Variants in PTPRA observed in about 807,000 individuals in gnomAD.
The protein encoded by PTPRA is receptor-type tyrosine-protein phosphatase alpha.
A neutral mutation model predicts 104.8 loss-of-function variants in PTPRA; 25 were observed. That is an observed-to-expected ratio of 0.24 (90% CI 0.17 to 0.33). PTPRA has a LOEUF of 0.33. Among genes scored for constraint, PTPRA ranks in the 10% least tolerant of loss-of-function variants. The pLI is 1.00. For missense variants in PTPRA, 765 were observed against 1,015.3 expected (o/e 0.75, Z 3.35); for synonymous variants, 323 against 368.9 (o/e 0.88, Z 1.43).
Position 2,907,348 on chromosome 20 carries a change from C to T in PTPRA, c.-128-15859C>T, listed in dbSNP as rs536006256. Among the ~76,000 whole-genome samples the T allele has an allele frequency of 3.2e-3, 484 of 151,942 alleles. 4 individuals carry two copies. The highest frequency in any genetic ancestry group is 0.011 in the African/African-American group (463 of 41,438). ...AGCATGATAAAACTTTAGTACAGCTCAGCCGTCAAACTGCTGTGTGCCTGG... is the reference window on the plus strand; with the variant it reads ...AGCATGATAAAACTTTAGTACAGCTTAGCCGTCAAACTGCTGTGTGCCTGG... On this transcript the variant is annotated intron_variant, in intron 1 of 23. Transcript: ENST00000399903.
At chr20:3,012,895 A>G (rs919240724) in intron 11 of PTPRA, among the ~76,000 whole-genome samples, 1 of 152,186 alleles carries the variant, frequency 6.6e-6, no homozygotes, top group Non-Finnish European at 1.5e-5. Flanking sequence ...TGCAGCCATC[A>G]CCATAAATGT....
Position 3,035,967 on chromosome 20 carries a change from G to T in PTPRA, c.2198+26G>T. 2 of 1,612,484 alleles carry T rather than the reference G, an allele frequency of 1.2e-6. No individual in the cohort carries two copies. The highest frequency in any genetic ancestry group is 2.2e-5 in the South Asian group (2 of 90,986). The stretch of plus-strand genomic sequence containing the variant: ...GTATGGCTCACCCTTGCCCTCAGCG[G>T]GAGAGAGAAAGCGAGGAGGGGCAGA... On this transcript the variant is annotated intron_variant, in intron 22 of 23. Transcript: ENST00000399903. This position sits in a 1 kb window ranked among gnomAD's most constrained non-coding sequence, Gnocchi z 5.8.
chr20:2,985,847 G>T (rs1555808917), intron 6 of PTPRA, among the ~76,000 whole-genome samples: 4 of 152,118 alleles, frequency 2.6e-5, no homozygotes, highest in Non-Finnish European at 5.9e-5. Flanking sequence ...CTCCCAAAGT[G>T]CTGGGATAGG....
intron 11 of PTPRA, among the ~76,000 whole-genome samples, chr20:3,013,179 G>A (rs187157453): frequency 2.4e-4 from 36 of 152,182 alleles, no homozygotes; most frequent in Non-Finnish European, 3.8e-4. Context: ...AACTTTTTGC[G>A]TAGAGAACTG....
At chr20:2,989,119 C>T (rs2063032423) in intron 9 of PTPRA, among the ~76,000 whole-genome samples, 1 of 152,190 alleles carries the variant, frequency 6.6e-6, no homozygotes, top group African/African-American at 2.4e-5. Context: ...GTGATCCTAG[C>T]CTACCAGTTC....
intron 3 of PTPRA, among the ~76,000 whole-genome samples, chr20:2,963,340 G>A (rs1351955514): frequency 6.6e-6 from 1 of 152,082 alleles, no homozygotes; most frequent in African/African-American, 2.4e-5. Context: ...GATGACTCAC[G>A]CCTGTAATCC....
chr20:3,023,912 TA>T (rs1187697037), intron 16 of PTPRA, among the ~76,000 whole-genome samples: 5 of 152,212 alleles, frequency 3.3e-5, no homozygotes, highest in Admixed American at 3.3e-4. Flanking sequence ...GAAGGGCTCT[TA>T]TAAATTATGT....
chr20:2,971,994 C>T (rs1452257349), intron 5 of PTPRA, among the ~76,000 whole-genome samples: 1 of 151,928 alleles, frequency 6.6e-6, no homozygotes, highest in Admixed American at 6.6e-5. Flanking sequence ...CCACCATGCC[C>T]GGCTAATTTT....
At chr20:3,012,349 A>G (rs553096834) in intron 11 of PTPRA, among the ~76,000 whole-genome samples, 1 of 152,262 alleles carries the variant, frequency 6.6e-6, no homozygotes, top group Non-Finnish European at 1.5e-5. Flanking sequence ...AAGCGGCGAC[A>G]AAGTGAAAAC....
intron 1 of PTPRA, among the ~76,000 whole-genome samples, chr20:2,912,432 T>A (rs1350466435): frequency 6.6e-6 from 1 of 151,938 alleles, no homozygotes; most frequent in Non-Finnish European, 1.5e-5. Flanking sequence ...AAGACCAGCC[T>A]GGGCAACGTG....
chr20:2,989,844 T>C lies in PTPRA; in HGVS notation c.738+1370T>C, dbSNP rs180909615. On this transcript the variant is annotated intron_variant, in intron 9 of 23. Transcript: ENST00000399903. ...CATCCTGGCTAACACAGTGAAACCC[T>C]GTCTCTACTAAAAATACAAAAAATT... Among the ~76,000 whole-genome samples, 676 of 152,124 alleles carry C rather than the reference T, an allele frequency of 4.4e-3. 6 individuals carry two copies. The highest frequency in any genetic ancestry group is 0.015 in the South Asian group (71 of 4,808).
At chr20:3,001,942 C>T (rs946583229) in intron 9 of PTPRA, among the ~76,000 whole-genome samples, 3 of 152,074 alleles carry the variant, frequency 2.0e-5, no homozygotes, top group African/African-American at 7.2e-5. Context: ...GCTTCCCAGC[C>T]TGGGCAACAT....
Position 3,005,159 on chromosome 20 carries a change from A to G in PTPRA, c.829+13A>G. 1 of 1,563,392 alleles carries G rather than the reference A, an allele frequency of 6.4e-7. No individual in the cohort carries two copies. Among genetic ancestry groups the G allele is most frequent in the South Asian group, 1.1e-5 (1 of 89,942 alleles). ...AACATCTTGCCTTGTGAGTGTCTTT[A>G]GTGTTTCTTGGGATGTAACCTGAAA... On this transcript the variant is annotated intron_variant, in intron 10 of 23. Coordinates refer to ENST00000399903, the MANE Select transcript of PTPRA (RefSeq NM_001385305.1).
intron 2 of PTPRA, among the ~76,000 whole-genome samples, chr20:2,926,550 T>C (rs2060301736): frequency 6.6e-6 from 1 of 152,112 alleles, no homozygotes; most frequent in Non-Finnish European, 1.5e-5. Context: ...TCTAAATAAG[T>C]TCACATTCAC....
chr20:2,979,722 GACAGACT>G (rs1209124264), intron 6 of PTPRA, among the ~76,000 whole-genome samples: 1 of 149,028 alleles, frequency 6.7e-6, no homozygotes, highest in East Asian at 1.9e-4. Flanking sequence ...GTTTGGTAGA[GACAGACT>G]ACCAGAGTCT....
intron 20 of PTPRA, among the ~76,000 whole-genome samples, chr20:3,032,500 G>T (rs573951095): frequency 2.0e-5 from 3 of 152,104 alleles, no homozygotes; most frequent in Admixed American, 1.3e-4. Context: ...GGGCGCGGTG[G>T]CTCACGCCTG....
intron 1 of PTPRA, among the ~76,000 whole-genome samples, chr20:2,881,622 C>G (rs2090056226): frequency 6.6e-6 from 1 of 152,158 alleles, no homozygotes; most frequent in African/African-American, 2.4e-5. Flanking sequence ...CTCAAGCGAT[C>G]TTCCCACCTT....
rs149563361 is a variant in PTPRA at position 2,889,189 on chromosome 20, T to C, written c.-129+15429T>C. Among the ~76,000 whole-genome samples, 80 of 152,336 alleles carry C rather than the reference T, an allele frequency of 5.3e-4. No homozygotes were observed. The Middle Eastern group carries it at 0.01, about 19-fold the overall frequency. ...TTAAAGTGGTAAATTTAAAACCCAG[T>C]TTTCTTTTAGTCTTGTTATTGTACT... On this transcript the variant is annotated intron_variant, in intron 1 of 23. Coordinates refer to ENST00000399903, the MANE Select transcript of PTPRA (RefSeq NM_001385305.1).
At chr20:3,029,101 T>C (rs2148479470) in intron 20 of PTPRA, among the ~76,000 whole-genome samples, 1 of 149,338 alleles carries the variant, frequency 6.7e-6, no homozygotes, top group East Asian at 2.0e-4. Context: ...CACCCTGATG[T>C]TTCATTACAT....
Sources: allele counts gnomAD v4.1 joint callset (sites outside exome capture counted in the v4.1 genomes callset), GRCh38; gene constraint gnomAD v4.1.1; non-coding constraint Gnocchi (gnomAD v3.1); transcripts MANE v1.5; gene names NCBI Gene and HGNC (gene_info 2026-07-23, HGNC 2026-07-21).